RBFOX2: variants seen among roughly 807,000 people sequenced by gnomAD.
RBFOX2 encodes RNA binding protein fox-1 homolog 2.
A neutral mutation model predicts 49.1 loss-of-function variants in RBFOX2; 10 were observed. The observed-to-expected ratio is 0.20, with a 90% CI of 0.13 to 0.35. The LOEUF (loss-of-function observed/expected upper bound fraction) is 0.35, where lower values mean the gene tolerates loss of function less well. Ranked by LOEUF, RBFOX2 falls within the 10% of genes least tolerant of loss-of-function variation. RBFOX2 has a pLI of 1.00. For missense variants in RBFOX2, 323 were observed against 486.9 expected, an observed-to-expected ratio of 0.66 and a Z score of 3.17; for synonymous variants, 183 against 187.4, an observed-to-expected ratio of 0.98 and a Z score of 0.19.
chr22:35,932,602 C>T (rs1228678439), intron 1 of RBFOX2, among the ~76,000 whole-genome samples: 2 of 152,042 alleles, frequency 1.3e-5, no homozygotes, highest in Non-Finnish European at 2.9e-5. Context: ...AAGAATGGGC[C>T]CCGCGTGGTG....
In RBFOX2 at chr22:35,759,909, G is replaced by T; in HGVS notation, c.866C>A (p.Thr289Lys). Residue 289 changes from threonine (T) to lysine (K), a missense_variant, in exon 9 of 12, where the codon ACA (threonine) becomes AAA (lysine). Transcript: ENST00000405409. This position sits in a 1 kb window ranked among gnomAD's most constrained non-coding sequence, Gnocchi z 4.6. ...TTACCCTGGATAGGCGGGGATGGCT[G>T]TTGGAGGTACCGCTCGGACTGCACC... 6.2e-7 allele frequency: 1 copy of T among 1,613,684 alleles called. No homozygotes were observed. The highest frequency in any genetic ancestry group is 8.5e-7 in the Non-Finnish European group (1 of 1,179,998).
intron 1 of RBFOX2, among the ~76,000 whole-genome samples, chr22:35,876,848 C>T (rs1392865874): frequency 6.6e-6 from 1 of 152,034 alleles, no homozygotes; most frequent in Non-Finnish European, 1.5e-5. Flanking sequence ...AACTACTATC[C>T]ATCTGAAATA....
chr22:35,964,280 G>A, upstream of RBFOX2, among the ~76,000 whole-genome samples: 1 of 152,052 alleles, frequency 6.6e-6, no homozygotes, highest in East Asian at 1.9e-4. Flanking sequence ...TTATGCCATC[G>A]ATAAAATATA....
At chr22:35,882,755 C>T (rs981853017) in intron 1 of RBFOX2, among the ~76,000 whole-genome samples, 26 of 152,162 alleles carry the variant, frequency 1.7e-4, no homozygotes, top group South Asian at 8.3e-4. Context: ...TGGGTAAATA[C>T]GGGGGTGGGA....
At chr22:35,800,107 G>A (rs1316377668) in intron 2 of RBFOX2, among the ~76,000 whole-genome samples, 2 of 152,118 alleles carry the variant, frequency 1.3e-5, no homozygotes, top group Non-Finnish European at 2.9e-5. Context: ...TGAAATTGGA[G>A]GTAAAATGAT....
chr22:35,801,506 A>C (rs111920190), intron 2 of RBFOX2, among the ~76,000 whole-genome samples: 3,236 of 151,864 alleles, frequency 0.021, 114 homozygotes, highest in African/African-American at 0.075. Flanking sequence ...GCTTATGAGC[A>C]GTGAATTCAC....
intron 1 of RBFOX2, chr22:35,836,481 A>G (rs1024979733): frequency 1.3e-5 from 2 of 152,256 alleles, no homozygotes; most frequent in African/African-American, 4.8e-5. Flanking sequence ...CTGGTGATTC[A>G]TTACAAAAGA....
chr22:35,746,498 CTGCAGCAGCGGTGGCTGCGGT>C, exon 10 of RBFOX2: 2 of 1,608,776 alleles, frequency 1.2e-6, no homozygotes, highest in Non-Finnish European at 1.7e-6. Context: ...GCTGCAGCGG[CTGCAGCAGCGGTGGCTGCGGT>C]TGCAGTAGCA....
intron 1 of RBFOX2, among the ~76,000 whole-genome samples, chr22:35,985,658 G>C (rs768578661): frequency 6.6e-6 from 1 of 152,180 alleles, no homozygotes; most frequent in Admixed American, 6.5e-5. Flanking sequence ...CTCTTGACTA[G>C]ATAATCTTTA....
chr22:35,835,637 C>T (rs1957517656), intron 1 of RBFOX2, among the ~76,000 whole-genome samples: 1 of 151,752 alleles, frequency 6.6e-6, no homozygotes. Context: ...TACCTAGACT[C>T]AATTGCAAAG....
At chr22:35,852,181 T>C (rs1303566667) in intron 1 of RBFOX2, among the ~76,000 whole-genome samples, 3 of 152,166 alleles carry the variant, frequency 2.0e-5, no homozygotes, top group Non-Finnish European at 4.4e-5. Context: ...AGAGATAATT[T>C]AAAGTCTACA....
intron 2 of RBFOX2, among the ~76,000 whole-genome samples, chr22:35,795,508 C>T (rs1335751967): frequency 6.6e-6 from 1 of 151,538 alleles, no homozygotes; most frequent in African/African-American, 2.4e-5. Context: ...TAGTGCATCA[C>T]TAATCTGCAA....
At chr22:35,875,479 G>A (rs1487525513) in intron 1 of RBFOX2, among the ~76,000 whole-genome samples, 2 of 152,116 alleles carry the variant, frequency 1.3e-5, no homozygotes, top group Non-Finnish European at 2.9e-5. Context: ...CCTACAGGTA[G>A]TAGAAACTCA....
chr22:35,948,293 AAC>A (rs1174229305), intron 1 of RBFOX2, among the ~76,000 whole-genome samples: 11 of 152,196 alleles, frequency 7.2e-5, no homozygotes, highest in African/African-American at 2.7e-4. Context: ...CTGTTTGGCT[AAC>A]ACCCTCAGTT....
At chr22:35,854,653 G>C (rs149144794) in intron 1 of RBFOX2, among the ~76,000 whole-genome samples, 1 of 151,666 alleles carries the variant, frequency 6.6e-6, no homozygotes, top group Non-Finnish European at 1.5e-5. Context: ...TTAGATATAT[G>C]ATTAAGATAT....
chr22:35,878,632 G>T (rs923124436), intron 1 of RBFOX2, among the ~76,000 whole-genome samples: 4 of 152,188 alleles, frequency 2.6e-5, no homozygotes, highest in African/African-American at 7.2e-5. Context: ...GTAGAGATAG[G>T]GTACCACTAT....
intron 4 of RBFOX2, 72 bp from the exon 6 acceptor site, chr22:35,768,421 A>G (rs1179796329): frequency 1.5e-6 from 2 of 1,321,198 alleles, no homozygotes; most frequent in Admixed American, 3.6e-5. Flanking sequence ...TGGTAAATAG[A>G]GAAAAAATAT....
At chr22:35,824,411 C>G (rs1955200009) in intron 1 of RBFOX2, 1 of 152,120 alleles carries the variant, frequency 6.6e-6, no homozygotes, top group Non-Finnish European at 1.5e-5. Flanking sequence ...AAAATAATTC[C>G]CGTTACCCCA....
At chr22:35,869,408 C>T (rs561805790) in intron 1 of RBFOX2, among the ~76,000 whole-genome samples, 6 of 145,926 alleles carry the variant, frequency 4.1e-5, no homozygotes, top group Middle Eastern at 3.5e-3. Context: ...ATTTACCTGC[C>T]TCAGCCTCCC....
Sources: allele counts gnomAD v4.1 joint callset (sites outside exome capture counted in the v4.1 genomes callset), GRCh38; gene constraint gnomAD v4.1.1; non-coding constraint Gnocchi (gnomAD v3.1); transcripts MANE v1.5; gene names NCBI Gene and HGNC (gene_info 2026-07-23, HGNC 2026-07-21).